The following ALG8 variants were observed in gnomAD, a reference collection of about 807,000 sequenced individuals.
The protein encoded by ALG8 is ALG8 alpha-1,3-glucosyltransferase, also known as dolichyl pyrophosphate Glc1Man9GlcNAc2 alpha-1,3-glucosyltransferase.
In ALG8, 48 loss-of-function variants were observed where a neutral mutation model predicts 70.2. That is an observed-to-expected ratio of 0.68 (90% CI 0.54 to 0.87). ALG8 has a LOEUF of 0.87. Among genes scored for constraint, ALG8 ranks in the 40% least tolerant of loss-of-function variants. The probability of loss-of-function intolerance (pLI) is 0.00; values close to 1 mark genes in which losing one functional copy is unlikely to be tolerated. For synonymous variants in ALG8, 234 were observed against 229.0 expected (o/e 1.02, Z -0.20); for missense variants, 572 against 608.7 (o/e 0.94, Z 0.64).
intron 1 of ALG8, 90 bp downstream of exon 1, chr11:78,139,404 T>C (rs1861697655): frequency 1.5e-6 from 2 of 1,299,364 alleles, no homozygotes; most frequent in Non-Finnish European, 2.2e-6. Context: ...AAGTTTTCTC[T>C]TCATACCCAG....
At chr11:78,127,780 G>C (rs953015802) in intron 1 of ALG8, among the ~76,000 whole-genome samples, 3 of 148,042 alleles carry the variant, frequency 2.0e-5, no homozygotes, top group African/African-American at 7.6e-5. Flanking sequence ...ACCCATCTCA[G>C]CTCACTGCAA....
Position 78,125,574 on chromosome 11 carries a change from T to G in ALG8, c.175-1360A>C, listed in dbSNP as rs1332530124. On this transcript the variant is annotated intron_variant, in intron 2 of 12. Transcript: ENST00000299626. ...TGAGGTCAGGAGTTCAAAACCAGCC[T>G]GACCAACGTGGTGAAACCCTGTCTC... Among the ~76,000 whole-genome samples, 3 of 142,924 alleles carry G rather than the reference T, an allele frequency of 2.1e-5. No homozygotes were observed. The East Asian group carries it at 6.5e-4, about 31-fold the overall frequency. 93.8% of individuals were successfully genotyped at this position (142,924 alleles called of 152,430 possible).
intron 1 of ALG8, among the ~76,000 whole-genome samples, chr11:78,128,684 C>A (rs1217519485): frequency 6.7e-6 from 1 of 149,980 alleles, no homozygotes; most frequent in African/African-American, 2.5e-5. Context: ...GATCTTGGCT[C>A]ACTGCAAACT....
chr11:78,106,446 C>T (rs1246461352), intron 10 of ALG8, among the ~76,000 whole-genome samples: 1 of 152,218 alleles, frequency 6.6e-6, no homozygotes, highest in East Asian at 1.9e-4. Context: ...ATCTGCCCGC[C>T]TTGGCCTCCC....
chr11:78,133,081 C>T lies in ALG8; in HGVS notation c.96-5645G>A, dbSNP rs1417138032. ...CGATCTCCTGACCTCGTGATCCGCCCGCCTCGGCCTCCCAAAGTGCTGGGA... is the reference window on the plus strand; with the variant it reads ...CGATCTCCTGACCTCGTGATCCGCCTGCCTCGGCCTCCCAAAGTGCTGGGA... On this transcript the variant is annotated intron_variant, in intron 1 of 12. Coordinates refer to ENST00000299626, the MANE Select transcript of ALG8 (RefSeq NM_024079.5). Among the ~76,000 whole-genome samples, 4 of 152,116 alleles carry T rather than the reference C, an allele frequency of 2.6e-5. 1 individual carries two copies. In the South Asian group the frequency reaches 6.2e-4, roughly 24 times the overall value.
chr11:78,131,870 T>C (rs1861322450), intron 1 of ALG8, among the ~76,000 whole-genome samples: 1 of 152,262 alleles, frequency 6.6e-6, no homozygotes, highest in South Asian at 2.1e-4. Context: ...TTCATTAATC[T>C]AGCTTTCACA....
chr11:78,135,133 T>G (rs1486999426), intron 1 of ALG8: 1 of 151,360 alleles, frequency 6.6e-6, no homozygotes, highest in Non-Finnish European at 1.5e-5. Context: ...GCAGGCAGAT[T>G]GCTTGAGCAC....
rs564324227 is a variant in ALG8, at chr11:78,132,198, C to G, written c.96-4762G>C. Among the ~76,000 whole-genome samples, 4 of 152,340 alleles carry G rather than the reference C, an allele frequency of 2.6e-5. No homozygotes were observed. The East Asian group carries it at 7.7e-4, about 29-fold the overall frequency. ...AGAGCCAGATTCTAACCAGGGCAGT[C>G]TGACTCCCTAGCTACGGCTCTTAAA... On this transcript the variant is annotated intron_variant, in intron 1 of 12. Transcript: ENST00000299626.
At chr11:78,128,143 AGAGAAG>A (rs1256308162) in intron 1 of ALG8, among the ~76,000 whole-genome samples, 1 of 152,246 alleles carries the variant, frequency 6.6e-6, no homozygotes, top group Non-Finnish European at 1.5e-5. Flanking sequence ...TTCATCTGAC[AGAGAAG>A]GTGGGAAAAG....
At position 78,114,246 on chromosome 11, in the gene ALG8, CTAT is replaced by C. The variant is rs766958404; in HGVS notation, c.673+17_673+19del. On this transcript the variant is annotated intron_variant, in intron 6 of 12. Coordinates refer to ENST00000299626, the MANE Select transcript of ALG8 (RefSeq NM_024079.5). ...AAGGGAAAAATCGAAAATGTTTTTGCTATTATTACCAAAACTTGCCTGGTTTAT... is the reference window on the plus strand; with the variant it reads ...AAGGGAAAAATCGAAAATGTTTTTGCTATTACCAAAACTTGCCTGGTTTAT... 2 of 1,613,776 alleles carry C rather than the reference CTAT, an allele frequency of 1.2e-6. No individual in the cohort carries two copies. Among genetic ancestry groups the C allele is most frequent in the Non-Finnish European group, 1.7e-6 (2 of 1,179,946 alleles).
At chr11:78,106,743 C>G in intron 10 of ALG8, 64 bp downstream of exon 10, 1 of 1,604,770 alleles carries the variant, frequency 6.2e-7, no homozygotes, top group South Asian at 1.1e-5. Context: ...AGGGACAGAG[C>G]AAATAGAAAA....
intron 3 of ALG8, 49 bp from the exon 4 acceptor site, chr11:78,121,223 G>A (rs770541267): frequency 2.4e-5 from 30 of 1,273,046 alleles, no homozygotes; most frequent in Middle Eastern, 1.9e-4. Context: ...GATCTTCATC[G>A]GAACATCACT....
Position 78,104,338 on chromosome 11 carries a change from T to G in ALG8, c.1276+18A>C. On this transcript the variant is annotated intron_variant, in intron 11 of 12. Coordinates refer to ENST00000299626, the MANE Select transcript of ALG8 (RefSeq NM_024079.5). ...GTTGTGATAGTCAAATATATTTTTC[T>G]CAGAAGACGCTGTTTACCTGGTGCA... is the stretch of plus-strand genomic sequence containing the variant. 1 of 1,553,708 alleles carries G rather than the reference T, an allele frequency of 6.4e-7. No individual in the cohort carries two copies. The highest frequency in any genetic ancestry group is 8.7e-7 in the Non-Finnish European group (1 of 1,150,220).
rs374826100 is a variant in ALG8, at chr11:78,130,611, T to C, written c.96-3175A>G. ...AAGCTTATTCCATTGGTTTTTAGTA[T>C]AAAATGTTGATGTTGGTAAGTCTCT... is the stretch of plus-strand genomic sequence containing the variant. On this transcript the variant is annotated intron_variant, in intron 1 of 12. Transcript: ENST00000299626. Among the ~76,000 whole-genome samples the C allele has an allele frequency of 1.5e-4, 23 of 152,264 alleles. No individual in the cohort carries two copies. The South Asian group carries it at 4.6e-3, about 30-fold the overall frequency.
In ALG8 at chr11:78,101,207, AAGAG is replaced by A. The variant is rs771039596; in HGVS notation, c.1350-16_1350-13del. On this transcript the variant is annotated splice_polypyrimidine_tract_variant and intron_variant, in intron 12 of 12. Coordinates refer to ENST00000299626, the MANE Select transcript of ALG8 (RefSeq NM_024079.5). Reference sequence around the variant, plus strand: ...GAGGTTTTTCTTTTCTGAAGGAAAAAAGAGAGAAAAGTCTGATTTTAGATGAGTC... The same window carrying A: ...GAGGTTTTTCTTTTCTGAAGGAAAAAAGAAAAGTCTGATTTTAGATGAGTC... 2.5e-6 allele frequency: 4 copies of A among 1,608,094 alleles called. No homozygotes were observed. The highest frequency in any genetic ancestry group is 3.4e-6 in the Non-Finnish European group (4 of 1,175,298).
chr11:78,132,312 T>C (rs548154767), intron 1 of ALG8, among the ~76,000 whole-genome samples: 1 of 152,336 alleles, frequency 6.6e-6, no homozygotes, highest in East Asian at 1.9e-4. Flanking sequence ...TGTCCATTTC[T>C]ATCTCTAATG....
chr11:78,101,901 G>A (rs1412715315), intron 12 of ALG8, among the ~76,000 whole-genome samples: 2 of 152,168 alleles, frequency 1.3e-5, no homozygotes, highest in Non-Finnish European at 2.9e-5. Flanking sequence ...GAGTGCAGTG[G>A]TGCAATCTCA....
At chr11:78,137,013 T>C (rs960857990) in intron 1 of ALG8, among the ~76,000 whole-genome samples, 7 of 152,130 alleles carry the variant, frequency 4.6e-5, no homozygotes, top group Non-Finnish European at 1.0e-4. Context: ...GTGATTCTCC[T>C]GCCTCAGCCT....
At position 78,106,824 on chromosome 11, in the gene ALG8, T is replaced by C. The variant is rs751218300; in HGVS notation, c.1161A>G (p.Leu387=). ...CTGCTTACCTCATTGGGAGAATTGCTAGAAGTATGGCTTTTTCATGAACAT... is the reference window on the plus strand; with the variant it reads ...CTGCTTACCTCATTGGGAGAATTGCCAGAAGTATGGCTTTTTCATGAACAT... ...GWHVHEKAIL[L]AILPMSLLSV... is the part of the protein sequence containing the mutation. The change falls in exon 10 of 13, where the codon CTA becomes CTG. Residue 387 remains leucine (L), a synonymous_variant. Transcript: ENST00000299626. The C allele has an allele frequency of 2.5e-6, 4 of 1,614,082 alleles. No homozygotes were observed. Among genetic ancestry groups the C allele is most frequent in the South Asian group, 2.2e-5 (2 of 91,090 alleles).
Sources: gnomAD v4.1 joint callset for allele counts (sites outside exome capture counted in the v4.1 genomes callset) on GRCh38, gnomAD v4.1.1 for gene constraint, MANE v1.5 for transcripts, NCBI Gene and HGNC (gene_info 2026-07-23, HGNC 2026-07-21) for gene names.